The following MACROD2 variants were observed in gnomAD, a reference collection of about 807,000 sequenced individuals.
The protein encoded by MACROD2 is mono-ADP ribosylhydrolase 2, also known as ADP-ribose glycohydrolase MACROD2.
MACROD2 carries 36 observed loss-of-function variants against 70.4 expected under a neutral mutation model. The ratio of observed to expected loss-of-function variants is 0.51; its 90% confidence interval spans 0.39 to 0.68. The LOEUF is 0.68. MACROD2 is among the 30% of genes least tolerant of loss of function. The pLI, the probability that MACROD2 is intolerant of heterozygous loss-of-function variation, is 0.00. For missense variants in MACROD2, 496 were observed against 538.4 expected (o/e 0.92, Z 0.78); for synonymous variants, 172 against 178.8 (o/e 0.96, Z 0.30).
At position 16,006,226 on chromosome 20, in the gene MACROD2, A is replaced by G. The variant is rs75704865; in HGVS notation, c.1153+19068A>G. Among the ~76,000 whole-genome samples the G allele has an allele frequency of 8.2e-3, 1,243 of 152,246 alleles. 25 individuals are homozygous for G. The East Asian group carries it at 0.088, about 11-fold the overall frequency. ...TTTGGACCATTATTGAGTAGGTGGG[A>G]TATTTAAGCTCTTACTCATCATCGG... On this transcript the variant is annotated intron_variant, in intron 15 of 17. Transcript: ENST00000684519.
At chr20:14,756,030 C>T (rs112283407) in intron 5 of MACROD2, among the ~76,000 whole-genome samples, 1,990 of 152,028 alleles carry the variant, frequency 0.013, 49 homozygotes, top group African/African-American at 0.046. Context: ...CTTATCCTTG[C>T]CTCTCTCATG....
At chr20:14,901,045 A>G (rs1309912162) in intron 5 of MACROD2, among the ~76,000 whole-genome samples, 1 of 152,132 alleles carries the variant, frequency 6.6e-6, no homozygotes, top group Non-Finnish European at 1.5e-5. Flanking sequence ...TACTGCATAT[A>G]TGAACATAAC....
chr20:14,247,776 C>G (rs1040754167), intron 3 of MACROD2, among the ~76,000 whole-genome samples: 9 of 152,086 alleles, frequency 5.9e-5, no homozygotes, highest in Non-Finnish European at 1.0e-4. Flanking sequence ...TTTATAAAAT[C>G]AAAGGAAGGT....
intron 11 of MACROD2, among the ~76,000 whole-genome samples, chr20:15,937,084 A>C (rs1191222963): frequency 6.6e-6 from 1 of 152,158 alleles, no homozygotes; most frequent in African/African-American, 2.4e-5. Context: ...AAAAAAACAA[A>C]CTTTAGAAAC....
intron 2 of MACROD2, among the ~76,000 whole-genome samples, chr20:14,020,355 C>A (rs1330070361): frequency 6.6e-6 from 1 of 152,118 alleles, no homozygotes; most frequent in African/African-American, 2.4e-5. Flanking sequence ...TGCCTGTAAT[C>A]CCAGCTACTC....
At chr20:15,499,512 A>T (rs2047338897) in intron 7 of MACROD2, among the ~76,000 whole-genome samples, 1 of 152,136 alleles carries the variant, frequency 6.6e-6, no homozygotes, top group South Asian at 2.1e-4. Flanking sequence ...TTTTTAATTG[A>T]TATTGTTATA....
At chr20:14,233,150 A>T (rs1452689250) in intron 3 of MACROD2, among the ~76,000 whole-genome samples, 2 of 152,156 alleles carry the variant, frequency 1.3e-5, no homozygotes, top group African/African-American at 4.8e-5. Context: ...TACAGTTATA[A>T]CATCAAAGAT....
At chr20:14,016,019 T>TCAAA (rs1301174882) in intron 2 of MACROD2, among the ~76,000 whole-genome samples, 1 of 152,224 alleles carries the variant, frequency 6.6e-6, no homozygotes, top group Non-Finnish European at 1.5e-5. Flanking sequence ...ACATGGTAAT[T>TCAAA]CTACTTAACT....
At chr20:14,561,168 C>T (rs753773496) in intron 4 of MACROD2, among the ~76,000 whole-genome samples, 1 of 151,648 alleles carries the variant, frequency 6.6e-6, no homozygotes, top group Non-Finnish European at 1.5e-5. Context: ...CCAAAGAACA[C>T]CTGTATTGTT....
At chr20:15,175,239 G>A (rs935558654) in intron 5 of MACROD2, among the ~76,000 whole-genome samples, 33 of 142,708 alleles carry the variant, frequency 2.3e-4, no homozygotes, top group Non-Finnish European at 5.0e-4. Context: ...GAGAACACAT[G>A]GATACAAGAA....
chr20:15,412,774 TG>T, intron 6 of MACROD2, among the ~76,000 whole-genome samples: 1 of 152,236 alleles, frequency 6.6e-6, no homozygotes, highest in Non-Finnish European at 1.5e-5. Flanking sequence ...ACTTTGCCAG[TG>T]GGTCTGGCCT....
chr20:15,060,010 C>T (rs2123076276), intron 5 of MACROD2, among the ~76,000 whole-genome samples: 1 of 152,244 alleles, frequency 6.6e-6, no homozygotes, highest in Middle Eastern at 3.4e-3. Context: ...GCTGCCATCT[C>T]CCCCCAACAA....
At chr20:14,132,394 T>A (rs763589624) in intron 3 of MACROD2, among the ~76,000 whole-genome samples, 1 of 152,148 alleles carries the variant, frequency 6.6e-6, no homozygotes, top group Non-Finnish European at 1.5e-5. Flanking sequence ...AATGCTGAAA[T>A]GTATGTAGCT....
chr20:15,999,794 T>C (rs1452907365), intron 15 of MACROD2, among the ~76,000 whole-genome samples: 1 of 152,238 alleles, frequency 6.6e-6, no homozygotes, highest in African/African-American at 2.4e-5. Flanking sequence ...GCCACCTTGC[T>C]CTCTTCTGGC....
chr20:14,204,421 G>A (rs897339677), intron 3 of MACROD2, among the ~76,000 whole-genome samples: 7 of 152,152 alleles, frequency 4.6e-5, no homozygotes, highest in Admixed American at 6.5e-5. Flanking sequence ...AGAGCAGGAC[G>A]TAGTCTGGTG....
At chr20:15,749,550 T>C (rs2051236819) in intron 8 of MACROD2, among the ~76,000 whole-genome samples, 1 of 152,074 alleles carries the variant, frequency 6.6e-6, no homozygotes, top group Non-Finnish European at 1.5e-5. Flanking sequence ...CATTGACTTT[T>C]CATTGGTATT....
intron 4 of MACROD2, among the ~76,000 whole-genome samples, chr20:14,528,256 T>G (rs2085257489): frequency 6.6e-6 from 1 of 151,486 alleles, no homozygotes; most frequent in Admixed American, 6.6e-5. Flanking sequence ...ATTACAGGCA[T>G]GCGCCACCAC....
At chr20:14,685,066 G>A (rs1237682832) in intron 5 of MACROD2, 107 bp downstream of exon 5, 7 of 847,966 alleles carry the variant, frequency 8.3e-6, no homozygotes, top group East Asian at 7.5e-5. Context: ...TTAATTAAAT[G>A]TGCTTGAGTT....
chr20:14,057,664 A>G (rs2053645879), intron 2 of MACROD2, among the ~76,000 whole-genome samples: 1 of 152,206 alleles, frequency 6.6e-6, no homozygotes, highest in Non-Finnish European at 1.5e-5. Context: ...ACATACATAT[A>G]TCCAGCAACT....
Sources: gnomAD v4.1 joint callset for allele counts (sites outside exome capture counted in the v4.1 genomes callset) on GRCh38, gnomAD v4.1.1 for gene constraint, MANE v1.5 for transcripts, NCBI Gene and HGNC (gene_info 2026-07-23, HGNC 2026-07-21) for gene names.